ZNF717: variants seen among roughly 807,000 people sequenced by gnomAD.
ZNF717 encodes the protein zinc finger protein 717.
Under a neutral mutation model 13.8 loss-of-function variants are expected in ZNF717, and 9 were observed. The observed-to-expected ratio is 0.65, with a 90% confidence interval of 0.39 to 1.14. The LOEUF is 1.14. Among genes scored for constraint, ZNF717 ranks in the 50% most tolerant of loss-of-function variants. ZNF717 has a pLI of 0.01. For missense variants in ZNF717, 1,040 were observed against 1,080.7 expected, an observed-to-expected ratio of 0.96 and a Z score of 0.53; for synonymous variants, 327 against 364.1, an observed-to-expected ratio of 0.90 and a Z score of 1.16.
In ZNF717 at chr3:75,737,094, T is replaced by C. The variant is rs149660902; in HGVS notation, c.2529A>G (p.Arg843=). Residue 843 remains arginine, a synonymous_variant, in exon 5 of 5, where the codon AGA becomes AGG. Transcript: ENST00000652011. The part of the protein sequence containing the change: ...HRTHTGEKPF[R]CNECRKTFSQ... ...AGAAAGTTTTCCTACATTCATTACA[T>C]CTAAAGGGTTTTTCCCCTGTGTGAG... The C allele has an allele frequency of 1.3e-6, 2 of 1,584,454 alleles. No individual in the cohort carries two copies. Among genetic ancestry groups the C allele is most frequent in the African/African-American group, 2.7e-5 (2 of 73,954 alleles).
intron 4 of ZNF717, among the ~76,000 whole-genome samples, chr3:75,721,283 T>C (rs576734611): frequency 3.0e-3 from 458 of 150,510 alleles, no homozygotes; most frequent in African/African-American, 9.5e-3. Flanking sequence ...TTTTTGTTTA[T>C]TTATTTATTT....
chr3:75,738,791 T>C lies in ZNF717; in HGVS notation c.832A>G (p.Thr278Ala). The C allele has an allele frequency of 1.9e-6, 3 of 1,541,116 alleles. No individual in the cohort carries two copies. Among genetic ancestry groups the C allele is most frequent in the Non-Finnish European group, 2.6e-6 (3 of 1,137,580 alleles). Residue 278 changes from threonine (T) to alanine (A), a missense_variant, in exon 5 of 5, where the codon ACA (threonine) becomes GCA (alanine). Coordinates refer to ENST00000652011, the MANE Select transcript of ZNF717 (RefSeq NM_001290208.3). ...ACACATTCATAGGGTTTCTCTCCTG[T>C]GTGTGTCTGCTGATGTTTAGTGAAG... Reference protein sequence around the residue: ...SDFTKHQQTHTGEKPYECVEC... With the variant: ...SDFTKHQQTHAGEKPYECVEC...
chr3:75,765,896 C>T (rs1010314559), intron 2 of ZNF717, among the ~76,000 whole-genome samples: 71 of 152,232 alleles, frequency 4.7e-4, no homozygotes, highest in African/African-American at 1.7e-3. Context: ...ATTGCTTGAG[C>T]TCAGGAGTTC....
chr3:75,703,571 T>C (rs1937739940), intron 6 of ZNF717, among the ~76,000 whole-genome samples: 1 of 151,320 alleles, frequency 6.6e-6, no homozygotes, highest in African/African-American at 2.4e-5. Context: ...AATAAAAATC[T>C]CATTGTGTTT....
chr3:75,771,469 GTC>G (rs1034429543), intron 2 of ZNF717, among the ~76,000 whole-genome samples: 1 of 151,966 alleles, frequency 6.6e-6, no homozygotes, highest in African/African-American at 2.4e-5. Context: ...AATAGTTGGT[GTC>G]AGAAGTGGGA....
downstream of ZNF717, among the ~76,000 whole-genome samples, chr3:75,706,253 C>A (rs1334343697): frequency 6.6e-6 from 1 of 152,296 alleles, no homozygotes; most frequent in East Asian, 1.9e-4. Context: ...AGGAAATACA[C>A]TAACACTGAC....
chr3:75,699,199 C>T (rs199830915), intron 6 of ZNF717, among the ~76,000 whole-genome samples: 1 of 152,294 alleles, frequency 6.6e-6, no homozygotes. Flanking sequence ...ATTTTACAGG[C>T]TTATAGGAGG....
chr3:75,770,698 T>C (rs566221554), intron 2 of ZNF717, among the ~76,000 whole-genome samples: 9 of 152,332 alleles, frequency 5.9e-5, no homozygotes, highest in Admixed American at 2.6e-4. Context: ...AGTAATACCA[T>C]ACACATAAGG....
At chr3:75,704,026 T>C (rs1407682008) in intron 6 of ZNF717, among the ~76,000 whole-genome samples, 1 of 152,308 alleles carries the variant, frequency 6.6e-6, no homozygotes, top group East Asian at 1.9e-4. Context: ...GTAAGGATAA[T>C]ATTAATGAGC....
In ZNF717 at chr3:75,737,520, G is replaced by T. The variant is rs1228399201; in HGVS notation, c.2103C>A (p.Ser701Arg). The change falls in exon 5 of 5, where the codon AGC (serine) becomes AGA (arginine). Residue 701 changes from serine (S) to arginine (R), a missense_variant. Physicochemically the swap from Ser to Arg is moderately radical, Grantham distance 110. Coordinates refer to ENST00000652011, the MANE Select transcript of ZNF717 (RefSeq NM_001290208.3). The part of the protein sequence containing the change: ...LYIRELTPGK[S>R]PMNVMNVENP... ...TTTCCACATTCATTACATTCATAGG[G>T]CTTTTCCCCGGTGTGAGTTCTCTGA... is the stretch of plus-strand genomic sequence containing the variant. 3 of 1,554,182 alleles carry T rather than the reference G, an allele frequency of 1.9e-6. No homozygotes were observed. The East Asian group carries it at 7.3e-5, about 38-fold the overall frequency.
intron 6 of ZNF717, among the ~76,000 whole-genome samples, chr3:75,698,550 ACTG>A (rs1937629622): frequency 6.6e-6 from 1 of 152,424 alleles, no homozygotes. Flanking sequence ...AACTCCAGTC[ACTG>A]CTTCAGGGGG....
rs571900164 is a variant in ZNF717, at chr3:75,700,546, A to C, written n.1085+10641T>G. Among the ~76,000 whole-genome samples, 3 of 152,310 alleles carry C rather than the reference A, an allele frequency of 2.0e-5. No individual in the cohort carries two copies. In the East Asian group the frequency reaches 5.8e-4, roughly 29 times the overall value. ...TACCTGGTTTTAAATTATACCACTA[A>C]GTTATGGTAATTAAAACAGCATGAC... On this transcript the variant is annotated intron_variant and non_coding_transcript_variant, in intron 6 of 6. Transcript: ENST00000648506.
chr3:75,764,677 T>C (rs1943289264), intron 2 of ZNF717, among the ~76,000 whole-genome samples: 2 of 152,236 alleles, frequency 1.3e-5, no homozygotes, highest in African/African-American at 2.4e-5. Flanking sequence ...TATGAGAAGA[T>C]GTGTAACATC....
chr3:75,751,162 CTGAA>C (rs1941753408), intron 2 of ZNF717, among the ~76,000 whole-genome samples: 1 of 151,982 alleles, frequency 6.6e-6, no homozygotes, highest in Non-Finnish European at 1.5e-5. Flanking sequence ...CTGCTGGTGT[CTGAA>C]TGTTTATTTC....
At chr3:75,773,959 G>C (rs1307995366) in intron 2 of ZNF717, among the ~76,000 whole-genome samples, 1 of 152,122 alleles carries the variant, frequency 6.6e-6, no homozygotes, top group South Asian at 2.1e-4. Flanking sequence ...TGGGGCAGGA[G>C]AATCTCTTGA....
intron 2 of ZNF717, among the ~76,000 whole-genome samples, chr3:75,757,938 C>CCAG (rs1942633874): frequency 1.4e-5 from 2 of 147,332 alleles, no homozygotes; most frequent in Non-Finnish European, 3.0e-5. Context: ...CATAGTGAAA[C>CCAG]CCTGTCTCTA....
intron 4 of ZNF717, among the ~76,000 whole-genome samples, chr3:75,718,836 C>T (rs112886639): frequency 1.8e-4 from 27 of 152,248 alleles, no homozygotes; most frequent in African/African-American, 6.5e-4. Flanking sequence ...ATGTGCAGCC[C>T]GGTTCCTCAG....
At chr3:75,704,246 T>C (rs1937754955) in intron 6 of ZNF717, among the ~76,000 whole-genome samples, 1 of 152,312 alleles carries the variant, frequency 6.6e-6, no homozygotes, top group Non-Finnish European at 1.5e-5. Context: ...CTTGCTTCTT[T>C]CACTGTGCTC....
chr3:75,748,553 T>C (rs112911844), intron 2 of ZNF717, among the ~76,000 whole-genome samples: 6 of 152,140 alleles, frequency 3.9e-5, no homozygotes, highest in Non-Finnish European at 5.9e-5. Context: ...AATCAATAAA[T>C]GTAATCCAGC....
Sources: gnomAD v4.1 joint callset for allele counts (sites outside exome capture counted in the v4.1 genomes callset) on GRCh38, gnomAD v4.1.1 for gene constraint, MANE v1.5 for transcripts, NCBI Gene and HGNC (gene_info 2026-07-23, HGNC 2026-07-21) for gene names.